LRP11: variants seen among roughly 807,000 people sequenced by gnomAD.
LRP11 encodes the protein low-density lipoprotein receptor-related protein 11.
LRP11 carries 25 observed loss-of-function variants against 43.1 expected under a neutral mutation model. That is an observed-to-expected ratio of 0.58 (90% CI 0.42 to 0.81). The LOEUF is 0.81. Ranked by LOEUF, LRP11 falls within the 30% of genes least tolerant of loss-of-function variation. The pLI is 0.00. For synonymous variants in LRP11, 316 were observed against 299.4 expected (o/e 1.06, Z -0.57); for missense variants, 623 against 665.1 (o/e 0.94, Z 0.70).
Position 149,853,095 on chromosome 6 carries a change from C to T in LRP11, c.679G>A (p.Val227Met). ...DVVLHLPTDG[V>M]VLDGRESTDD... is the part of the protein sequence containing the mutation. ...GTGCTCTCGCGGCCGTCTAGAACCA[C>T]CCCGTCTGTGGGCAGATGCAGAACC... The change falls in exon 2 of 7, where the codon GTG becomes ATG. Residue 227 changes from valine (V) to methionine (M), a missense_variant. Coordinates refer to ENST00000239367, the MANE Select transcript of LRP11 (RefSeq NM_032832.6). The T allele has an allele frequency of 6.2e-7, 1 of 1,612,598 alleles. No homozygotes were observed. Among genetic ancestry groups the T allele is most frequent in the Non-Finnish European group, 8.5e-7 (1 of 1,179,252 alleles).
chr6:149,824,086 G>C (rs935517906), intron 6 of LRP11, among the ~76,000 whole-genome samples: 5 of 152,118 alleles, frequency 3.3e-5, no homozygotes, highest in African/African-American at 1.2e-4. Context: ...AGAGACTTTG[G>C]TCAATACCCA....
chr6:149,818,824 AATC>A lies in LRP11; in HGVS notation c.*1722_*1724del, dbSNP rs1005540859. 3 of 152,464 alleles carry A rather than the reference AATC, an allele frequency of 2.0e-5. No individual in the cohort carries two copies. The highest frequency in any genetic ancestry group is 4.4e-5 in the Non-Finnish European group (3 of 68,038). 9.4% of individuals were successfully genotyped at this position (152,464 alleles called of 1,614,324 possible). A position where few individuals can be genotyped will look rare whatever the true frequency, so the allele number is the denominator to read the frequency against. The stretch of plus-strand genomic sequence containing the variant: ...ATAATAAAATACAATTTATTAAAGG[AATC>A]ATGTTTACATAGATACAGAACATCT... On this transcript the variant is annotated 3_prime_UTR_variant, in exon 7 of 7. Coordinates refer to ENST00000239367, the MANE Select transcript of LRP11 (RefSeq NM_032832.6).
chr6:149,840,512 G>A (rs114694841), intron 3 of LRP11, among the ~76,000 whole-genome samples: 1,984 of 152,264 alleles, frequency 0.013, 44 homozygotes, highest in African/African-American at 0.046. Context: ...TCTGGAGCCC[G>A]GAAAGCTGCC....
intron 5 of LRP11, among the ~76,000 whole-genome samples, chr6:149,835,603 G>C (rs1425108721): frequency 6.6e-6 from 1 of 151,966 alleles, no homozygotes; most frequent in Non-Finnish European, 1.5e-5. Context: ...GTGAGACCCT[G>C]TCTCAAAAAA....
chr6:149,842,743 CGGGA>C, intron 3 of LRP11: 6 of 1,487,108 alleles, frequency 4.0e-6, no homozygotes, highest in African/African-American at 1.4e-5. Flanking sequence ...TCAAGAGAAG[CGGGA>C]GCATCTCTTC....
intron 1 of LRP11, among the ~76,000 whole-genome samples, chr6:149,861,464 G>A (rs1216941129): frequency 6.6e-6 from 1 of 152,162 alleles, no homozygotes; most frequent in Non-Finnish European, 1.5e-5. Context: ...GAAGGGCAAC[G>A]AAGCAAGCAA....
intron 5 of LRP11, among the ~76,000 whole-genome samples, chr6:149,829,282 T>C (rs1301361778): frequency 6.6e-6 from 1 of 152,144 alleles, no homozygotes; most frequent in Non-Finnish European, 1.5e-5. Context: ...AGCCAGGGCC[T>C]GGGCATGGTG....
Position 149,827,851 on chromosome 6 carries a change from G to A in LRP11, c.1253-1492C>T, listed in dbSNP as rs1454406572. ...TGCCTGGCCAACATGGCAAAACCCT[G>A]TCTCTACTTAAAATACAAAAAAAAT... On this transcript the variant is annotated intron_variant, in intron 5 of 6. Coordinates refer to ENST00000239367, the MANE Select transcript of LRP11 (RefSeq NM_032832.6). This position sits in a 1 kb window ranked among gnomAD's most constrained non-coding sequence, Gnocchi z 4.2. 6.6e-6 allele frequency among the ~76,000 whole-genome samples: 1 copy of A among 152,100 alleles called. No individual in the cohort carries two copies. The highest frequency in any genetic ancestry group is 1.5e-5 in the Non-Finnish European group (1 of 68,014).
chr6:149,851,661 T>G (rs994099810), intron 2 of LRP11, among the ~76,000 whole-genome samples: 2 of 152,140 alleles, frequency 1.3e-5, no homozygotes, highest in Admixed American at 1.3e-4. Flanking sequence ...GTCATGGACA[T>G]GATGTGAAGT....
At chr6:149,831,438 C>T (rs1776407190) in intron 5 of LRP11, among the ~76,000 whole-genome samples, 1 of 152,210 alleles carries the variant, frequency 6.6e-6, no homozygotes, top group Non-Finnish European at 1.5e-5. Context: ...ACATGGACCA[C>T]ACAGAGAACA....
intron 1 of LRP11, among the ~76,000 whole-genome samples, chr6:149,862,429 G>T (rs1466473256): frequency 1.3e-5 from 2 of 152,176 alleles, no homozygotes; most frequent in Non-Finnish European, 2.9e-5. Flanking sequence ...TTCCCTCCGT[G>T]ACATTCATGT....
intron 2 of LRP11, among the ~76,000 whole-genome samples, chr6:149,850,636 T>C (rs1190747679): frequency 6.6e-6 from 1 of 152,216 alleles, no homozygotes; most frequent in African/African-American, 2.4e-5. Flanking sequence ...TACTAATAGA[T>C]CGGTTAGTAT....
At chr6:149,826,474 ATTTCT>A in intron 5 of LRP11, 115 bp from the exon 6 acceptor site, 1 of 683,928 alleles carries the variant, frequency 1.5e-6, no homozygotes, top group Non-Finnish European at 2.5e-6. Context: ...AGAACTGTTT[ATTTCT>A]CTACTAAACA....
At chr6:149,849,109 G>T (rs1377500757) in intron 2 of LRP11, among the ~76,000 whole-genome samples, 1 of 152,136 alleles carries the variant, frequency 6.6e-6, no homozygotes, top group Non-Finnish European at 1.5e-5. Flanking sequence ...TTTTATTATA[G>T]CAGACCAAAT....
At chr6:149,853,598 C>A (rs1321231017) in intron 1 of LRP11, among the ~76,000 whole-genome samples, 5 of 152,334 alleles carry the variant, frequency 3.3e-5, no homozygotes, top group Admixed American at 2.6e-4. Context: ...GCCTCTCCCT[C>A]CCGGGTTCAA....
intron 2 of LRP11, among the ~76,000 whole-genome samples, chr6:149,851,642 A>G (rs899330138): frequency 6.6e-6 from 1 of 152,242 alleles, no homozygotes; most frequent in Admixed American, 6.5e-5. Flanking sequence ...CAACACAGTG[A>G]TGAGTAATGT....
At chr6:149,859,396 A>ATTTTTTTTTTTTTTT (rs1163759560) in intron 1 of LRP11, among the ~76,000 whole-genome samples, 1 of 71,512 alleles carries the variant, frequency 1.4e-5, no homozygotes, top group African/African-American at 8.2e-5. Flanking sequence ...ATATATATAT[A>ATTTTTTTTTTTTTTT]TTTTTTTTTT....
intron 1 of LRP11, among the ~76,000 whole-genome samples, chr6:149,856,470 A>T (rs1234834698): frequency 6.6e-6 from 1 of 152,192 alleles, no homozygotes; most frequent in Non-Finnish European, 1.5e-5. Context: ...CCCAGAGCTT[A>T]TCTACCCAGA....
In LRP11 at chr6:149,837,318, A is replaced by G. The variant is rs903531887; in HGVS notation, c.1039+20T>C. 1.2e-6 allele frequency: 2 copies of G among 1,611,294 alleles called. No homozygotes were observed. The highest frequency in any genetic ancestry group is 2.7e-5 in the African/African-American group (2 of 74,872). On this transcript the variant is annotated intron_variant, in intron 4 of 6. Transcript: ENST00000239367. ...CATCCCTTCCAGCCACTGCCTAGCA[A>G]TGTGACATAGCCAACTCACGATTCT...
Sources: allele counts gnomAD v4.1 joint callset (sites outside exome capture counted in the v4.1 genomes callset), GRCh38; gene constraint gnomAD v4.1.1; non-coding constraint Gnocchi (gnomAD v3.1); transcripts MANE v1.5; gene names NCBI Gene and HGNC (gene_info 2026-07-23, HGNC 2026-07-21).